ATRNL1: variants seen among roughly 807,000 people sequenced by gnomAD.
The protein encoded by ATRNL1 is attractin like 1.
A neutral mutation model predicts 182.7 loss-of-function variants in ATRNL1; 95 were observed. The observed-to-expected ratio is 0.52, with a 90% CI of 0.44 to 0.62. The LOEUF is 0.62. Ranked by LOEUF, ATRNL1 falls within the 20% of genes least tolerant of loss-of-function variation. ATRNL1 has a pLI of 0.00. For synonymous variants in ATRNL1, 576 were observed against 568.3 expected, an observed-to-expected ratio of 1.01 and a Z score of -0.19; for missense variants, 1,471 against 1,679.5, an observed-to-expected ratio of 0.88 and a Z score of 2.17.
At chr10:115,628,766 AC>A (rs782156624) in intron 26 of ATRNL1, among the ~76,000 whole-genome samples, 6 of 152,078 alleles carry the variant, frequency 3.9e-5, no homozygotes, top group Non-Finnish European at 8.8e-5. Context: ...TGTGAGTCCA[AC>A]TTCATTCTAT....
At chr10:115,822,752 A>T (rs908481181) in intron 27 of ATRNL1, among the ~76,000 whole-genome samples, 1 of 152,208 alleles carries the variant, frequency 6.6e-6, no homozygotes, top group Admixed American at 6.5e-5. Context: ...ATCCCTGAAT[A>T]GACCAATAAC....
chr10:115,812,358 T>G (rs1555087210), intron 27 of ATRNL1, among the ~76,000 whole-genome samples: 1 of 152,214 alleles, frequency 6.6e-6, no homozygotes, highest in Non-Finnish European at 1.5e-5. Flanking sequence ...GTCCTATCCC[T>G]GTAGTCTCAT....
chr10:115,110,968 T>C (rs190606226), intron 1 of ATRNL1, among the ~76,000 whole-genome samples: 277 of 152,340 alleles, frequency 1.8e-3, no homozygotes, highest in Admixed American at 4.8e-3. Context: ...GAAAGGAAGA[T>C]GCTCTGGCAT....
At chr10:115,297,374 G>T (rs1328142887) in intron 15 of ATRNL1, among the ~76,000 whole-genome samples, 5 of 152,034 alleles carry the variant, frequency 3.3e-5, no homozygotes, top group African/African-American at 1.2e-4. Flanking sequence ...GGGCGTGGTG[G>T]CTGACGCCTG....
In ATRNL1 at chr10:115,549,554, T is replaced by G; in HGVS notation, c.3795+18T>G. On this transcript the variant is annotated intron_variant, in intron 26 of 28. Coordinates refer to ENST00000355044, the MANE Select transcript of ATRNL1 (RefSeq NM_207303.4). ...GGAGAGAGGTATCAGTAATATTATT[T>G]AATCTTTTGTTTAAAGATTTAAGCA... 6.5e-7 allele frequency: 1 copy of G among 1,536,198 alleles called. No individual in the cohort carries two copies. The highest frequency in any genetic ancestry group is 8.8e-7 in the Non-Finnish European group (1 of 1,131,840).
intron 21 of ATRNL1, among the ~76,000 whole-genome samples, chr10:115,437,548 T>G (rs1846459418): frequency 2.0e-5 from 3 of 152,008 alleles, no homozygotes; most frequent in Admixed American, 6.6e-5. Context: ...TTTTATCATT[T>G]ACTAAACAAT....
intron 19 of ATRNL1, among the ~76,000 whole-genome samples, chr10:115,348,880 C>A (rs1329069398): frequency 6.6e-6 from 1 of 152,054 alleles, no homozygotes; most frequent in African/African-American, 2.4e-5. Context: ...TATTTTAATA[C>A]AAATAGATAA....
chr10:115,638,375 T>C (rs1859027749), intron 26 of ATRNL1, among the ~76,000 whole-genome samples: 1 of 150,852 alleles, frequency 6.6e-6, no homozygotes, highest in African/African-American at 2.5e-5. Context: ...TCTCAAAATG[T>C]ATCCCCGTCA....
At chr10:115,249,832 T>C (rs1253982732) in intron 10 of ATRNL1, among the ~76,000 whole-genome samples, 3 of 152,194 alleles carry the variant, frequency 2.0e-5, no homozygotes, top group African/African-American at 7.2e-5. Flanking sequence ...TATGAAGTGA[T>C]AATAACCTAA....
chr10:115,914,994 G>C (rs1379312644), intron 28 of ATRNL1, among the ~76,000 whole-genome samples: 1 of 152,178 alleles, frequency 6.6e-6, no homozygotes, highest in Admixed American at 6.6e-5. Context: ...AAGTGATACT[G>C]TTTTTCTCTT....
At chr10:115,572,175 A>G (rs893066624) in intron 26 of ATRNL1, among the ~76,000 whole-genome samples, 73 of 152,198 alleles carry the variant, frequency 4.8e-4, no homozygotes, top group African/African-American at 1.7e-3. Flanking sequence ...ATTGTACATT[A>G]CAGTAAATTT....
chr10:115,321,460 T>C (rs1375962650), intron 18 of ATRNL1, among the ~76,000 whole-genome samples: 2 of 152,160 alleles, frequency 1.3e-5, no homozygotes, highest in African/African-American at 4.8e-5. Flanking sequence ...TTTTTAGTTT[T>C]CTGTAGTGGT....
intron 1 of ATRNL1, among the ~76,000 whole-genome samples, chr10:115,105,401 A>G (rs1028604513): frequency 1.3e-5 from 2 of 152,234 alleles, no homozygotes; most frequent in Admixed American, 6.5e-5. Context: ...GGAAATGTAC[A>G]GCCTGACAAT....
intron 28 of ATRNL1, among the ~76,000 whole-genome samples, chr10:115,917,772 C>T (rs1293162937): frequency 6.6e-6 from 1 of 152,122 alleles, no homozygotes; most frequent in Non-Finnish European, 1.5e-5. Flanking sequence ...AAATTTTCTG[C>T]AGGGCTTGAT....
chr10:115,160,636 T>C (rs1440219881), intron 6 of ATRNL1, among the ~76,000 whole-genome samples: 4 of 151,928 alleles, frequency 2.6e-5, no homozygotes, highest in Non-Finnish European at 4.4e-5. Context: ...CAAACTTTCA[T>C]TGGGAGAACA....
intron 24 of ATRNL1, among the ~76,000 whole-genome samples, chr10:115,471,788 G>A (rs1352438349): frequency 6.6e-6 from 1 of 150,924 alleles, no homozygotes; most frequent in Non-Finnish European, 1.5e-5. Context: ...TTTCTATTCT[G>A]TAGGTTGCCT....
intron 19 of ATRNL1, among the ~76,000 whole-genome samples, chr10:115,362,505 G>A (rs574232584): frequency 3.3e-5 from 5 of 149,376 alleles, no homozygotes; most frequent in Non-Finnish European, 7.4e-5. Context: ...CGGTTTACAA[G>A]TATGCAGTAC....
chr10:115,344,627 TGTG>T (rs2134104410), intron 19 of ATRNL1, among the ~76,000 whole-genome samples: 1 of 152,330 alleles, frequency 6.6e-6, no homozygotes, highest in South Asian at 2.1e-4. Flanking sequence ...TCCATCCACC[TGTG>T]ACTGTGTTAG....
chr10:115,679,399 A>G (rs1443567912), intron 26 of ATRNL1, among the ~76,000 whole-genome samples: 7 of 151,566 alleles, frequency 4.6e-5, no homozygotes, highest in African/African-American at 1.5e-4. Context: ...TATCTGTTTG[A>G]TTACAGTGAG....
Sources: gnomAD v4.1 joint callset for allele counts (sites outside exome capture counted in the v4.1 genomes callset) on GRCh38, gnomAD v4.1.1 for gene constraint, MANE v1.5 for transcripts, NCBI Gene and HGNC (gene_info 2026-07-23, HGNC 2026-07-21) for gene names.